Variants in SPATA7 observed in about 807,000 individuals in gnomAD.
SPATA7 encodes the protein spermatogenesis associated 7, also known as spermatogenesis-associated protein 7.
Under a neutral mutation model 51.8 loss-of-function variants are expected in SPATA7, and 43 were observed. The observed-to-expected ratio is 0.83, with a 90% CI of 0.65 to 1.07. The LOEUF (loss-of-function observed/expected upper bound fraction) is 1.07. Among genes scored for constraint, SPATA7 ranks in the 50% least tolerant of loss-of-function variants. SPATA7 has a pLI of 0.00. For missense variants in SPATA7, 683 were observed against 701.3 expected (o/e 0.97, Z 0.30); for synonymous variants, 230 against 252.8 (o/e 0.91, Z 0.86).
chr14:88,424,042 CAG>C (rs1176202202), intron 5 of SPATA7, among the ~76,000 whole-genome samples: 1 of 152,128 alleles, frequency 6.6e-6, no homozygotes, highest in Non-Finnish European at 1.5e-5. Flanking sequence ...ATCACAGAAA[CAG>C]TGCACAACAA....
chr14:88,400,708 A>C, intron 4 of SPATA7, among the ~76,000 whole-genome samples: 1 of 152,052 alleles, frequency 6.6e-6, no homozygotes. Context: ...GGTGTTGCAC[A>C]CCTGTAATCC....
chr14:88,430,719 C>T (rs911493313), intron 8 of SPATA7, among the ~76,000 whole-genome samples: 2 of 152,128 alleles, frequency 1.3e-5, no homozygotes, highest in African/African-American at 4.8e-5. Context: ...TTGCTGCTTA[C>T]TAACATTAAC....
chr14:88,396,868 C>CTTTTTTT (rs1261739206), intron 4 of SPATA7, among the ~76,000 whole-genome samples: 4 of 101,134 alleles, frequency 4.0e-5, no homozygotes, highest in African/African-American at 1.1e-4. Flanking sequence ...CTTTTCTTTT[C>CTTTTTTT]TTTTTTCTTT....
intron 1 of SPATA7, among the ~76,000 whole-genome samples, chr14:88,386,916 C>T (rs1441354602): frequency 6.6e-6 from 1 of 152,210 alleles, no homozygotes. Flanking sequence ...TGACACTTCA[C>T]CAACCTAGGT....
At chr14:88,402,800 A>G (rs73321865) in intron 4 of SPATA7, among the ~76,000 whole-genome samples, 5,374 of 152,216 alleles carry the variant, frequency 0.035, 312 homozygotes, top group African/African-American at 0.12. Context: ...GCAAAAATAG[A>G]CAAGTGGAAT....
chr14:88,400,568 T>C (rs2076026851), intron 4 of SPATA7, among the ~76,000 whole-genome samples: 1 of 152,200 alleles, frequency 6.6e-6, no homozygotes, highest in Non-Finnish European at 1.5e-5. Flanking sequence ...ATGTGGTGGC[T>C]CATGCCTGTA....
chr14:88,426,164 T>G, intron 5 of SPATA7, 68 bp from the exon 6 acceptor site: 1 of 1,140,456 alleles, frequency 8.8e-7, no homozygotes, highest in African/African-American at 1.5e-5. Flanking sequence ...TTTTAATGTA[T>G]AATCTCAAAA....
chr14:88,426,784 C>T, intron 6 of SPATA7, 80 bp downstream of exon 6: 1 of 1,303,818 alleles, frequency 7.7e-7, no homozygotes, highest in Non-Finnish European at 1.1e-6. Flanking sequence ...TTGTTTTCTG[C>T]TGCCAGCCTT....
chr14:88,457,121 A>G (rs1421925052), downstream of SPATA7, among the ~76,000 whole-genome samples: 2 of 152,304 alleles, frequency 1.3e-5, no homozygotes, highest in African/African-American at 4.8e-5. Context: ...TGTTTTGGTT[A>G]CTATAGCCTT....
chr14:88,469,026 C>A lies in SPATA7; in HGVS notation c.255-821C>A. 6.2e-7 allele frequency: 1 copy of A among 1,614,170 alleles called. No homozygotes were observed. Among genetic ancestry groups the A allele is most frequent in the Non-Finnish European group, 8.5e-7 (1 of 1,180,034 alleles). ...AACGGAGGGTTGGGGCTTTGGGGAT[C>A]ACTTGTGCTATTTGTATGGCGTCGA... On this transcript the variant is annotated intron_variant, in intron 4 of 4. Transcript: ENST00000556406. This position sits in a 1 kb window ranked among gnomAD's most constrained non-coding sequence, Gnocchi z 4.3.
At chr14:88,452,842 C>T (rs1032278566) in intron 3 of SPATA7, among the ~76,000 whole-genome samples, 1 of 152,158 alleles carries the variant, frequency 6.6e-6, no homozygotes, top group African/African-American at 2.4e-5. Context: ...TTTTCCTTCC[C>T]AGTTCATGTC....
intron 7 of SPATA7, 123 bp from the exon 8 acceptor site, chr14:88,429,225 C>A: frequency 1.6e-6 from 1 of 625,402 alleles, no homozygotes; most frequent in South Asian, 1.8e-5. Flanking sequence ...TATTCTTTGT[C>A]GTACTGTATA....
chr14:88,393,072 A>G (rs182803991), intron 2 of SPATA7, among the ~76,000 whole-genome samples: 3 of 152,228 alleles, frequency 2.0e-5, no homozygotes, highest in Admixed American at 6.5e-5. Context: ...GCAAGCAGCT[A>G]AACATCCTTA....
chr14:88,394,783 A>G (rs2075837428), intron 3 of SPATA7, among the ~76,000 whole-genome samples: 1 of 152,106 alleles, frequency 6.6e-6, no homozygotes, highest in Admixed American at 6.6e-5. Context: ...CTGCACCCTT[A>G]CCAACCCTTG....
At chr14:88,467,957 C>T (rs2077390588) in intron 4 of SPATA7, 6 of 812,868 alleles carry the variant, frequency 7.4e-6, no homozygotes, top group Non-Finnish European at 1.2e-5. Flanking sequence ...GTTAGAAACC[C>T]CTCTTCAGCC....
At chr14:88,433,679 A>G (rs74075019) in intron 10 of SPATA7, among the ~76,000 whole-genome samples, 3,751 of 152,286 alleles carry the variant, frequency 0.025, 160 homozygotes, top group African/African-American at 0.085. Flanking sequence ...TAGCTATTGC[A>G]TAGCTTAAGG....
At chr14:88,451,079 T>C (rs925890096) in intron 3 of SPATA7, among the ~76,000 whole-genome samples, 2 of 152,226 alleles carry the variant, frequency 1.3e-5, no homozygotes, top group African/African-American at 4.8e-5. Context: ...CTTCCATTTG[T>C]TCAATTCTAT....
At chr14:88,454,425 A>G (rs916614609) in intron 3 of SPATA7, among the ~76,000 whole-genome samples, 1 of 152,194 alleles carries the variant, frequency 6.6e-6, no homozygotes, top group Non-Finnish European at 1.5e-5. Flanking sequence ...TGTAAAATTT[A>G]TAACTTCAGG....
At chr14:88,394,523 T>A (rs1308492204) in intron 3 of SPATA7, among the ~76,000 whole-genome samples, 1 of 152,222 alleles carries the variant, frequency 6.6e-6, no homozygotes, top group Non-Finnish European at 1.5e-5. Context: ...TTTCATTTAA[T>A]GAATAGACCA....
Sources: gnomAD v4.1 joint callset for allele counts (sites outside exome capture counted in the v4.1 genomes callset) on GRCh38, gnomAD v4.1.1 for gene constraint, Gnocchi (gnomAD v3.1) non-coding constraint, MANE v1.5 for transcripts, NCBI Gene and HGNC (gene_info 2026-07-23, HGNC 2026-07-21) for gene names.